Variants in DDX10 observed in about 807,000 individuals in gnomAD.
The protein encoded by DDX10 is probable ATP-dependent RNA helicase DDX10.
In DDX10, 74 loss-of-function variants were observed where a neutral mutation model predicts 104.3. That is an observed-to-expected ratio of 0.71 (90% confidence interval 0.59 to 0.86). The LOEUF is 0.86. Among genes scored for constraint, DDX10 ranks in the 40% least tolerant of loss-of-function variants. The pLI, the probability that DDX10 is intolerant of heterozygous loss-of-function variation, is 0.00. For synonymous variants in DDX10, 351 were observed against 353.4 expected (o/e 0.99, Z 0.08); for missense variants, 952 against 1,040.0 (o/e 0.92, Z 1.16).
chr11:108,722,975 T>G, intron 12 of DDX10, 22 bp from the exon 13 acceptor site: 1 of 1,575,044 alleles, frequency 6.3e-7, no homozygotes, highest in Non-Finnish European at 8.6e-7. Context: ...GATGACTGTT[T>G]TCACGTTTTT....
At chr11:108,793,985 C>T (rs968078514) in intron 13 of DDX10, among the ~76,000 whole-genome samples, 7 of 152,028 alleles carry the variant, frequency 4.6e-5, no homozygotes, top group Admixed American at 3.3e-4. Flanking sequence ...GTTCCATCCA[C>T]GTTTCTGCAA....
intron 17 of DDX10, 23 bp from the exon 18 acceptor site, chr11:108,940,223 A>G (rs1298612987): frequency 6.2e-7 from 1 of 1,610,770 alleles, no homozygotes; most frequent in African/African-American, 1.3e-5. Flanking sequence ...TCTAAAGTAA[A>G]TCTTTGGATT....
intron 13 of DDX10, among the ~76,000 whole-genome samples, chr11:108,817,112 A>G (rs1410432058): frequency 6.6e-6 from 1 of 152,162 alleles, no homozygotes. Context: ...GTTTTGTTAT[A>G]TAGTAGTTGT....
chr11:108,886,163 C>T (rs924776514), intron 16 of DDX10, among the ~76,000 whole-genome samples: 13 of 152,116 alleles, frequency 8.5e-5, no homozygotes, highest in South Asian at 8.3e-4. Flanking sequence ...GATTCATTCT[C>T]CTCTGATATC....
At chr11:108,806,454 A>G (rs1473506015) in intron 13 of DDX10, among the ~76,000 whole-genome samples, 8 of 152,206 alleles carry the variant, frequency 5.3e-5, no homozygotes, top group African/African-American at 1.4e-4. Context: ...AGTGAACGAC[A>G]TTGAGCTTTT....
At chr11:108,730,922 AGTT>A (rs2094311324) in intron 13 of DDX10, among the ~76,000 whole-genome samples, 1 of 151,786 alleles carries the variant, frequency 6.6e-6, no homozygotes. Flanking sequence ...ATTTTGGGGC[AGTT>A]GATAGGATTT....
chr11:108,892,326 T>A (rs1863387596), intron 16 of DDX10, among the ~76,000 whole-genome samples: 3 of 152,146 alleles, frequency 2.0e-5, no homozygotes, highest in African/African-American at 2.4e-5. Flanking sequence ...TGCACAAGCT[T>A]GATCCCCTTC....
At chr11:108,720,048 G>A (rs1346524236) in intron 12 of DDX10, among the ~76,000 whole-genome samples, 163 bp downstream of exon 12, 2 of 152,182 alleles carry the variant, frequency 1.3e-5, no homozygotes, top group Admixed American at 6.5e-5. Flanking sequence ...GACTACAGGC[G>A]TAAGCCACCA....
At chr11:108,912,248 T>G (rs988904451) in intron 16 of DDX10, among the ~76,000 whole-genome samples, 29 of 152,100 alleles carry the variant, frequency 1.9e-4, no homozygotes, top group African/African-American at 7.0e-4. Context: ...AGGGTGCTAA[T>G]TCCATTCATG....
chr11:108,704,791 A>T (rs1036378524), intron 9 of DDX10, among the ~76,000 whole-genome samples: 3 of 152,200 alleles, frequency 2.0e-5, no homozygotes, highest in Non-Finnish European at 4.4e-5. Context: ...AGTAAATTGT[A>T]TGTTCAGCCT....
chr11:108,742,798 A>G (rs955330850), intron 13 of DDX10, among the ~76,000 whole-genome samples: 1 of 152,176 alleles, frequency 6.6e-6, no homozygotes, highest in Non-Finnish European at 1.5e-5. Flanking sequence ...GAAGAAATGG[A>G]TAAATTCCTG....
chr11:108,854,245 A>G (rs1862835055), intron 16 of DDX10, among the ~76,000 whole-genome samples: 1 of 152,230 alleles, frequency 6.6e-6, no homozygotes. Flanking sequence ...AAGCAGACCC[A>G]GAAGAGATTA....
chr11:108,940,165 A>T, intron 17 of DDX10, 81 bp from the exon 18 acceptor site: 1 of 1,402,954 alleles, frequency 7.1e-7, no homozygotes, highest in Non-Finnish European at 9.7e-7. Context: ...CACTTTACCA[A>T]CTCTCTGTTA....
At chr11:108,719,732 A>G (rs902837666) in intron 11 of DDX10, 65 bp from the exon 12 acceptor site, 4 of 950,528 alleles carry the variant, frequency 4.2e-6, no homozygotes, top group African/African-American at 3.4e-5. Flanking sequence ...TAATTTTCTT[A>G]TATTTTGGTC....
At chr11:108,669,171 G>T (rs1224954951) in intron 1 of DDX10, among the ~76,000 whole-genome samples, 2 of 150,912 alleles carry the variant, frequency 1.3e-5, no homozygotes, top group Non-Finnish European at 2.9e-5. Context: ...ATGGCTCACT[G>T]TAGCCTTGAC....
intron 16 of DDX10, among the ~76,000 whole-genome samples, chr11:108,887,712 C>G (rs1385190707): frequency 4.6e-5 from 7 of 151,928 alleles, no homozygotes; most frequent in Non-Finnish European, 1.0e-4. Context: ...GACAGGAGTT[C>G]CAGACCAGCC....
intron 16 of DDX10, among the ~76,000 whole-genome samples, chr11:108,909,300 C>A (rs1863636729): frequency 6.6e-6 from 1 of 152,186 alleles, no homozygotes; most frequent in Non-Finnish European, 1.5e-5. Flanking sequence ...GACGGTGGCC[C>A]ACCCAGGAAG....
chr11:108,787,939 A>T (rs1021511436), intron 13 of DDX10, among the ~76,000 whole-genome samples: 9 of 152,230 alleles, frequency 5.9e-5, no homozygotes, highest in African/African-American at 2.2e-4. Context: ...TCAAAAAAAA[A>T]TACTTTTGAT....
chr11:108,905,319 G>GT (rs71050896), intron 16 of DDX10, among the ~76,000 whole-genome samples: 6 of 148,382 alleles, frequency 4.0e-5, no homozygotes, highest in Admixed American at 6.7e-5. Flanking sequence ...TTAAGGGGGG[G>GT]GGGGGTTGAA....
Sources: gnomAD v4.1 joint callset for allele counts (sites outside exome capture counted in the v4.1 genomes callset) on GRCh38, gnomAD v4.1.1 for gene constraint, MANE v1.5 for transcripts, NCBI Gene and HGNC (gene_info 2026-07-23, HGNC 2026-07-21) for gene names.